Variants in PRDM5 observed in about 807,000 individuals in gnomAD.
PRDM5 encodes PR/SET domain 5.
Under a neutral mutation model 81.2 loss-of-function variants are expected in PRDM5, and 56 were observed. The observed-to-expected ratio is 0.69, with a 90% confidence interval of 0.56 to 0.86. PRDM5 has a LOEUF of 0.86. Among genes scored for constraint, PRDM5 ranks in the 40% least tolerant of loss-of-function variants. The probability of loss-of-function intolerance (pLI) is 0.00; values close to 1 mark genes in which losing one functional copy is unlikely to be tolerated. For synonymous variants in PRDM5, 267 were observed against 256.4 expected (o/e 1.04, Z -0.39); for missense variants, 697 against 770.1 (o/e 0.91, Z 1.12).
At chr4:120,894,442 T>A (rs1423228490) in intron 2 of PRDM5, among the ~76,000 whole-genome samples, 1 of 152,230 alleles carries the variant, frequency 6.6e-6, no homozygotes, top group Non-Finnish European at 1.5e-5. Context: ...TCCTTCTCCA[T>A]GAAGAGCTCC....
intron 14 of PRDM5, among the ~76,000 whole-genome samples, chr4:120,732,698 C>A (rs1187418065): frequency 2.0e-5 from 3 of 152,170 alleles, no homozygotes; most frequent in Non-Finnish European, 4.4e-5. Flanking sequence ...TGCTCTCTAA[C>A]CTAACCTGTT....
intron 2 of PRDM5, among the ~76,000 whole-genome samples, chr4:120,894,698 T>C (rs1227692470): frequency 6.6e-6 from 1 of 152,206 alleles, no homozygotes; most frequent in Admixed American, 6.5e-5. Context: ...GAATCTTCTT[T>C]CCTTTCCCAT....
At chr4:120,893,863 G>C (rs168224) in intron 2 of PRDM5, among the ~76,000 whole-genome samples, 15,551 of 152,102 alleles carry the variant, frequency 0.1, 1,503 homozygotes, top group African/African-American at 0.25. Context: ...AATTTCATTT[G>C]TCTTTGCATA....
At chr4:120,719,162 A>G (rs986671074) in intron 14 of PRDM5, among the ~76,000 whole-genome samples, 4 of 152,186 alleles carry the variant, frequency 2.6e-5, no homozygotes. Context: ...ACTAGATGTC[A>G]GTAGTACACC....
chr4:120,857,788 A>G (rs1350367810), intron 2 of PRDM5, among the ~76,000 whole-genome samples: 2 of 152,206 alleles, frequency 1.3e-5, no homozygotes, highest in Non-Finnish European at 2.9e-5. Context: ...TAAATATTTT[A>G]TTTGTTAAAT....
chr4:120,870,377 A>C (rs113909842), intron 2 of PRDM5, among the ~76,000 whole-genome samples: 26 of 152,240 alleles, frequency 1.7e-4, no homozygotes, highest in African/African-American at 5.8e-4. Context: ...GCCCCATTTT[A>C]TTTCATTCGA....
At chr4:120,698,239 T>C (rs919285944) in intron 15 of PRDM5, among the ~76,000 whole-genome samples, 5 of 152,242 alleles carry the variant, frequency 3.3e-5, no homozygotes, top group South Asian at 2.1e-4. Context: ...TGAAATGTTA[T>C]GGATAATCTC....
chr4:120,804,963 TAAAG>T (rs1345110345), intron 8 of PRDM5, among the ~76,000 whole-genome samples: 1 of 151,330 alleles, frequency 6.6e-6, no homozygotes, highest in East Asian at 1.9e-4. Flanking sequence ...GCAAGACTAA[TAAAG>T]AAGAAAAGAG....
intron 13 of PRDM5, among the ~76,000 whole-genome samples, chr4:120,764,016 T>C (rs1308958068): frequency 6.6e-6 from 1 of 151,428 alleles, no homozygotes; most frequent in Non-Finnish European, 1.5e-5. Flanking sequence ...CAGAGAGTTA[T>C]TCTTGGTGGA....
rs532011045 is a variant in PRDM5 at position 120,843,688 on chromosome 4, A to G, written c.300+9730T>C. On this transcript the variant is annotated intron_variant, in intron 3 of 15. Coordinates refer to ENST00000264808, the MANE Select transcript of PRDM5 (RefSeq NM_018699.4). The stretch of plus-strand genomic sequence containing the variant: ...TCAACAGAATGAGATCCGGCCTTAA[A>G]AAAAAAAAAAAAAGAAGAAGAAAAG... Among the ~76,000 whole-genome samples, 499 of 148,928 alleles carry G rather than the reference A, an allele frequency of 3.4e-3. 5 individuals are homozygous for G. Among genetic ancestry groups the G allele is most frequent in the Non-Finnish European group, 1.7e-3 (116 of 67,276 alleles).
intron 8 of PRDM5, among the ~76,000 whole-genome samples, chr4:120,801,064 A>T (rs1003447774): frequency 1.3e-5 from 2 of 152,224 alleles, no homozygotes; most frequent in African/African-American, 4.8e-5. Context: ...TGATCATCCC[A>T]ATGAACAACA....
chr4:120,770,160 G>A (rs1747053835), intron 13 of PRDM5, among the ~76,000 whole-genome samples: 1 of 151,964 alleles, frequency 6.6e-6, no homozygotes, highest in South Asian at 2.1e-4. Flanking sequence ...AGCCTCCCAA[G>A]TAGCTGGGAT....
rs1755227067 is a variant in PRDM5 at position 120,821,274 on chromosome 4, C to T, written c.372G>A (p.Leu124=). Residue 124 remains leucine, a synonymous_variant, in exon 4 of 16, where the codon CTG becomes CTA. Transcript: ENST00000264808. ...ETDTELLIGY[L]DSDMEAEEEE... ...CCTCCTCAGCCTCCATGTCACTATCCAGGTAGCCAATCAGAAGCTCCGTGT... is the reference window on the plus strand; with the variant it reads ...CCTCCTCAGCCTCCATGTCACTATCTAGGTAGCCAATCAGAAGCTCCGTGT... 6.2e-7 allele frequency: 1 copy of T among 1,613,956 alleles called. No homozygotes were observed. Among genetic ancestry groups the T allele is most frequent in the Non-Finnish European group, 8.5e-7 (1 of 1,179,930 alleles).
At chr4:120,886,810 C>T (rs1341186787) in intron 2 of PRDM5, among the ~76,000 whole-genome samples, 2 of 152,122 alleles carry the variant, frequency 1.3e-5, no homozygotes, top group African/African-American at 4.8e-5. Context: ...CTTCAAAAGT[C>T]TACAACATAG....
rs1169954043 is a variant in PRDM5 at position 120,907,469 on chromosome 4, C to T, written c.177+5G>A. The T allele has an allele frequency of 6.3e-7, 1 of 1,587,168 alleles. No individual in the cohort carries two copies. The highest frequency in any genetic ancestry group is 2.2e-5 in the East Asian group (1 of 44,726). ...TTTTAACATTAAAATAAGTCATATC[C>T]TCACCTCCCACATCAACCTGTAATC... On this transcript the variant is annotated splice_donor_5th_base_variant and intron_variant, in intron 2 of 15. Coordinates refer to ENST00000264808, the MANE Select transcript of PRDM5 (RefSeq NM_018699.4).
chr4:120,716,699 C>T (rs913319584), intron 14 of PRDM5, among the ~76,000 whole-genome samples: 3 of 152,082 alleles, frequency 2.0e-5, no homozygotes, highest in Non-Finnish European at 4.4e-5. Flanking sequence ...CTTCTAATGC[C>T]TACCATGGAA....
chr4:120,893,888 T>C (rs1012978738), intron 2 of PRDM5, among the ~76,000 whole-genome samples: 2 of 152,208 alleles, frequency 1.3e-5, no homozygotes, highest in African/African-American at 4.8e-5. Context: ...ATTTGTTTCA[T>C]TCTTTTATTT....
chr4:120,783,392 T>G (rs898999030), intron 11 of PRDM5, among the ~76,000 whole-genome samples: 4 of 152,086 alleles, frequency 2.6e-5, no homozygotes, highest in Non-Finnish European at 5.9e-5. Flanking sequence ...CACAGCACAG[T>G]CTACACATAG....
Position 120,798,443 on chromosome 4 carries a change from G to C in PRDM5, c.1031-19C>G. ...CGTTTTTCTATTAAAAAAATGAGTG[G>C]AGACAATCTCATATCTATATAAAGG... On this transcript the variant is annotated intron_variant, in intron 9 of 15. Transcript: ENST00000264808. The C allele has an allele frequency of 1.3e-6, 2 of 1,571,180 alleles. No individual in the cohort carries two copies. Among genetic ancestry groups the C allele is most frequent in the South Asian group, 1.1e-5 (1 of 90,268 alleles).
Sources: gnomAD v4.1 joint callset for allele counts (sites outside exome capture counted in the v4.1 genomes callset) on GRCh38, gnomAD v4.1.1 for gene constraint, MANE v1.5 for transcripts, NCBI Gene and HGNC (gene_info 2026-07-23, HGNC 2026-07-21) for gene names.